Variants in GREB1L observed in about 807,000 individuals in gnomAD.
The protein encoded by GREB1L is GREB1 like retinoic acid receptor coactivator, also known as GREB1-like protein.
GREB1L carries 17 observed loss-of-function variants against 200.8 expected under a neutral mutation model. The observed-to-expected ratio is 0.08, with a 90% CI of 0.06 to 0.13. GREB1L has a LOEUF of 0.13. Ranked by LOEUF, GREB1L falls within the 10% of genes least tolerant of loss-of-function variation. GREB1L has a pLI of 1.00. For synonymous variants in GREB1L, 789 were observed against 893.0 expected (o/e 0.88, Z 2.08); for missense variants, 1,657 against 2,367.7 (o/e 0.70, Z 6.23).
rs1397994211 is a variant in GREB1L at position 21,490,420 on chromosome 18, G to A, written c.3030+69G>A. 4.4e-6 allele frequency: 6 copies of A among 1,350,872 alleles called. No individual in the cohort carries two copies. The East Asian group carries it at 1.0e-4, about 23-fold the overall frequency. The allele number at this position is 1,350,872 out of a possible 1,614,324, so 83.7% of individuals were successfully genotyped here. ...TCTCTTTTCTAGGAATCCTACATAGGTGGCTCAGGGGCCTGAGTTTAATAG... is the reference window on the plus strand; with the variant it reads ...TCTCTTTTCTAGGAATCCTACATAGATGGCTCAGGGGCCTGAGTTTAATAG... On this transcript the variant is annotated intron_variant, in intron 19 of 32. Transcript: ENST00000424526.
intron 10 of GREB1L, among the ~76,000 whole-genome samples, chr18:21,442,169 T>C (rs2033936223): frequency 6.6e-6 from 1 of 152,176 alleles, no homozygotes; most frequent in Non-Finnish European, 1.5e-5. Context: ...TAGGGGTCCC[T>C]ACATTCCAGG....
chr18:21,404,661 G>A (rs1187351506), intron 7 of GREB1L, among the ~76,000 whole-genome samples: 1 of 152,192 alleles, frequency 6.6e-6, no homozygotes, highest in East Asian at 1.9e-4. Context: ...GATTCCAGGT[G>A]GAACTTCATG....
chr18:21,477,496 C>G (rs1384801470), intron 17 of GREB1L, 140 bp downstream of exon 17: 1 of 679,796 alleles, frequency 1.5e-6, no homozygotes, highest in East Asian at 3.2e-5. Flanking sequence ...TGTAAGAGTT[C>G]AAAAATCTGG....
intron 7 of GREB1L, among the ~76,000 whole-genome samples, chr18:21,417,556 A>C (rs1330479473): frequency 6.6e-6 from 1 of 152,128 alleles, no homozygotes; most frequent in East Asian, 1.9e-4. Flanking sequence ...AATGAAGATG[A>C]AATAAAGACA....
rs8093355 is a variant in GREB1L, at chr18:21,294,197, C to T, written c.-120+51804C>T. ...ATGTGACTGAAGAACTGAACTTTAA[C>T]TTTTATTTATTTTCAATTAATTTAA... On this transcript the variant is annotated intron_variant, in intron 1 of 32. Coordinates refer to ENST00000424526, the MANE Select transcript of GREB1L (RefSeq NM_001142966.3). Among the ~76,000 whole-genome samples, 554 of 152,262 alleles carry T rather than the reference C, an allele frequency of 3.6e-3. 2 individuals carry two copies. The highest frequency in any genetic ancestry group is 0.013 in the African/African-American group (535 of 41,550).
At chr18:21,402,537 C>G (rs2041362992) in intron 6 of GREB1L, among the ~76,000 whole-genome samples, 1 of 136,460 alleles carries the variant, frequency 7.3e-6, no homozygotes, top group African/African-American at 2.7e-5. Flanking sequence ...CCTTTCCTTT[C>G]TTTTCTTTTC....
At chr18:21,308,647 T>C (rs1304477640) in intron 1 of GREB1L, among the ~76,000 whole-genome samples, 2 of 152,194 alleles carry the variant, frequency 1.3e-5, no homozygotes, top group African/African-American at 4.8e-5. Flanking sequence ...CACTCCGTGA[T>C]TTATTTTGTT....
intron 1 of GREB1L, among the ~76,000 whole-genome samples, chr18:21,251,213 C>T (rs2037697914): frequency 6.6e-6 from 1 of 152,122 alleles, no homozygotes; most frequent in African/African-American, 2.4e-5. Context: ...TGAGGGCTGT[C>T]TTTTCCCTTT....
At chr18:21,491,466 T>C (rs943830534) in intron 19 of GREB1L, among the ~76,000 whole-genome samples, 4 of 152,070 alleles carry the variant, frequency 2.6e-5, no homozygotes, top group Admixed American at 1.3e-4. Context: ...TCCCAGCACT[T>C]TGGGAGGCTG....
rs143688931 is a variant in GREB1L, at chr18:21,353,054, C to T, written c.-119-12973C>T. ...AAAGTTAGCCGGGCATGGTGGCGGG[C>T]GCCTGTAGTCCCAGCTATTCAGGAG... is the stretch of plus-strand genomic sequence containing the variant. On this transcript the variant is annotated intron_variant, in intron 1 of 32. Transcript: ENST00000424526. Among the ~76,000 whole-genome samples the T allele has an allele frequency of 9.9e-3, 1,504 of 151,860 alleles. 28 individuals are homozygous for T. Among genetic ancestry groups the T allele is most frequent in the African/African-American group, 0.034 (1,409 of 41,438 alleles).
At chr18:21,319,650 C>A (rs567409360) in intron 1 of GREB1L, among the ~76,000 whole-genome samples, 110 of 152,266 alleles carry the variant, frequency 7.2e-4, no homozygotes, top group African/African-American at 2.5e-3. Flanking sequence ...GACTTTGAAA[C>A]ATCTGAAACC....
At chr18:21,477,595 G>A (rs1193117485) in intron 17 of GREB1L, among the ~76,000 whole-genome samples, 8 of 152,096 alleles carry the variant, frequency 5.3e-5, no homozygotes, top group African/African-American at 1.4e-4. Flanking sequence ...GACCATCCTG[G>A]CTAACACGGT....
intron 6 of GREB1L, among the ~76,000 whole-genome samples, chr18:21,402,821 C>T (rs190022496): frequency 6.6e-6 from 1 of 152,154 alleles, no homozygotes; most frequent in East Asian, 1.9e-4. Flanking sequence ...CTATGCCTGG[C>T]CTCATTTTTC....
chr18:21,282,758 C>T (rs1567921053), intron 1 of GREB1L, among the ~76,000 whole-genome samples: 1 of 152,108 alleles, frequency 6.6e-6, no homozygotes, highest in African/African-American at 2.4e-5. Context: ...TGCCACCACA[C>T]GCAGCTAATT....
intron 32 of GREB1L, 27 bp downstream of exon 32, chr18:21,520,850 T>C (rs1012951874): frequency 7.9e-6 from 12 of 1,511,942 alleles, no homozygotes; most frequent in Non-Finnish European, 8.0e-6. Context: ...ATCTTGCTTG[T>C]AATTGCTATT....
chr18:21,453,371 A>T lies in GREB1L; in HGVS notation c.1985-995A>T, dbSNP rs146441889. 2.4e-3 allele frequency among the ~76,000 whole-genome samples: 361 copies of T among 152,266 alleles called. 3 individuals carry two copies. Among genetic ancestry groups the T allele is most frequent in the South Asian group, 1.0e-2 (48 of 4,816 alleles). ...TATCCATGGTAACTGGGATATGTTGACGGCTGTCTTTGCCTCGGCTGCATT... is the reference window on the plus strand; with the variant it reads ...TATCCATGGTAACTGGGATATGTTGTCGGCTGTCTTTGCCTCGGCTGCATT... On this transcript the variant is annotated intron_variant, in intron 14 of 32. Transcript: ENST00000424526.
In GREB1L at chr18:21,389,818, G is replaced by A. The variant is rs552748277; in HGVS notation, c.355+5415G>A. On this transcript the variant is annotated intron_variant, in intron 4 of 32. Coordinates refer to ENST00000424526, the MANE Select transcript of GREB1L (RefSeq NM_001142966.3). ...AGGACTCATTAACAAGTATGAAATA[G>A]GTGAATGCCGACACAGTCAATGGCT... 2.0e-5 allele frequency among the ~76,000 whole-genome samples: 3 copies of A among 152,306 alleles called. No homozygotes were observed. The East Asian group carries it at 5.8e-4, about 29-fold the overall frequency.
intron 7 of GREB1L, among the ~76,000 whole-genome samples, chr18:21,408,687 G>T (rs1158129552): frequency 6.6e-6 from 1 of 151,756 alleles, no homozygotes; most frequent in African/African-American, 2.4e-5. Flanking sequence ...CCAGCTAGTC[G>T]GGAGGCTGAG....
rs1479004903 is a variant in GREB1L, at chr18:21,524,875, C to T, written c.*2054C>T. 1 of 151,984 alleles carries T rather than the reference C, an allele frequency of 6.6e-6. No individual in the cohort carries two copies. Among genetic ancestry groups the T allele is most frequent in the Non-Finnish European group, 1.5e-5 (1 of 67,988 alleles). 9.4% of individuals were successfully genotyped at this position (151,984 alleles called of 1,614,324 possible). A position where few individuals can be genotyped will look rare whatever the true frequency, so the allele number is the denominator to read the frequency against. ...TCACCCCTATAATGGAGAAATTGAT[C>T]TGCCTATTCTTTTCAAAGCCTATCT... On this transcript the variant is annotated 3_prime_UTR_variant, in exon 33 of 33. Coordinates refer to ENST00000424526, the MANE Select transcript of GREB1L (RefSeq NM_001142966.3).
Sources: allele counts gnomAD v4.1 joint callset (sites outside exome capture counted in the v4.1 genomes callset), GRCh38; gene constraint gnomAD v4.1.1; transcripts MANE v1.5; gene names NCBI Gene and HGNC (gene_info 2026-07-23, HGNC 2026-07-21).